Variants in ETV3 observed in about 807,000 individuals in gnomAD.
The protein encoded by ETV3 is ETS translocation variant 3.
ETV3 carries 8 observed loss-of-function variants against 33.0 expected under a neutral mutation model. The ratio of observed to expected loss-of-function variants is 0.24; its 90% CI spans 0.14 to 0.44. The LOEUF (loss-of-function observed/expected upper bound fraction) is 0.44. Among genes scored for constraint, ETV3 ranks in the 20% least tolerant of loss-of-function variants. The probability of loss-of-function intolerance (pLI) is 1.00; values close to 1 mark genes in which losing one functional copy is unlikely to be tolerated. For synonymous variants in ETV3, 222 were observed against 238.9 expected (o/e 0.93, Z 0.65); for missense variants, 473 against 652.3 (o/e 0.73, Z 2.99).
At chr1:157,126,454 C>CAT (rs749333178) in intron 4 of ETV3, among the ~76,000 whole-genome samples, 2 of 151,788 alleles carry the variant, frequency 1.3e-5, no homozygotes, top group African/African-American at 2.4e-5. Context: ...TAATTTTGGC[C>CAT]ATATATATAT....
At position 157,121,860 on chromosome 1, in the gene ETV3, T is replaced by C. The variant is rs1383619440; in HGVS notation, c.*2981A>G. ...GTTAGTGAGTTGGGTTTAATGCAGC[T>C]TCAAAATTAGGGTAAAGGGACTTGG... On this transcript the variant is annotated 3_prime_UTR_variant, in exon 5 of 5. Coordinates refer to ENST00000368192, the MANE Select transcript of ETV3 (RefSeq NM_001145312.3). The C allele has an allele frequency of 6.6e-6, 1 of 152,186 alleles. No individual in the cohort carries two copies. Among genetic ancestry groups the C allele is most frequent in the Non-Finnish European group, 1.5e-5 (1 of 68,042 alleles). The allele number at this position is 152,186 out of a possible 1,614,324, so 9.4% of individuals were successfully genotyped here.
Position 157,125,671 on chromosome 1 carries a change from G to T in ETV3, c.709C>A (p.Pro237Thr). 6.4e-7 allele frequency: 1 copy of T among 1,551,648 alleles called. No individual in the cohort carries two copies. Among genetic ancestry groups the T allele is most frequent in the Non-Finnish European group, 8.7e-7 (1 of 1,146,968 alleles). Reference sequence around the variant, plus strand: ...CTGTGGGGGTCAGGGTACATCCCTGGCCTAGCAAACAGAGGAAGCATTATG... The same window carrying T: ...CTGTGGGGGTCAGGGTACATCCCTGTCCTAGCAAACAGAGGAAGCATTATG... ...PDIMLPLFAR[P>T]GMYPDPHSPF... Residue 237 changes from proline to threonine, a missense_variant, in exon 5 of 5, where the codon CCA (proline) becomes ACA (threonine). By Grantham distance (38) the Pro-to-Thr change is conservative. Coordinates refer to ENST00000368192, the MANE Select transcript of ETV3 (RefSeq NM_001145312.3). The surrounding 1 kb of genome is among the most constrained non-coding windows in gnomAD (Gnocchi z 4.0).
chr1:157,136,237 T>C, intron 2 of ETV3, 70 bp downstream of exon 2: 1 of 1,428,980 alleles, frequency 7.0e-7, no homozygotes, highest in East Asian at 2.3e-5. Context: ...TGAACAGAGC[T>C]CAAGTGGAGA....
chr1:157,134,038 T>C (rs1571701501), intron 4 of ETV3, 74 bp downstream of exon 4: 3 of 1,575,426 alleles, frequency 1.9e-6, no homozygotes, highest in Non-Finnish European at 1.7e-6. Flanking sequence ...AAACATGCCA[T>C]GTCTTAGATT....
chr1:157,125,353 A>G lies in ETV3; in HGVS notation c.1027T>C (p.Ser343Pro), dbSNP rs1558029036. 1 of 1,551,960 alleles carries G rather than the reference A, an allele frequency of 6.4e-7. No individual in the cohort carries two copies. Among genetic ancestry groups the G allele is most frequent in the East Asian group, 2.4e-5 (1 of 40,918 alleles). ...QMHPEESTQFSIKLQPPPVGR... is the reference protein window; with the variant it reads ...QMHPEESTQFPIKLQPPPVGR... ...ACTGGTGGGGGCTGCAGCTTGATGG[A>G]GAACTGAGTTGACTCCTCAGGATGC... Residue 343 changes from serine to proline, a missense_variant, in exon 5 of 5, where the codon TCC becomes CCC. Transcript: ENST00000368192. The surrounding 1 kb of genome is among the most constrained non-coding windows in gnomAD (Gnocchi z 4.0).
Position 157,135,652 on chromosome 1 carries a change from T to C in ETV3, c.103A>G (p.Ile35Val). 1 of 1,614,208 alleles carries C rather than the reference T, an allele frequency of 6.2e-7. No homozygotes were observed. ...TCCAGGATGAAGTGCCACAGCTGGA[T>C]CTGCCGGGAGCCTGGGGATGACTCT... Reference protein sequence around the residue: ...KTESSPGSRQIQLWHFILELL... With the variant: ...KTESSPGSRQVQLWHFILELL... The change falls in exon 3 of 5, where the codon ATC becomes GTC. Residue 35 changes from isoleucine to valine, a missense_variant. Coordinates refer to ENST00000368192, the MANE Select transcript of ETV3 (RefSeq NM_001145312.3).
At chr1:157,137,355 A>G (rs1410442713) in intron 1 of ETV3, among the ~76,000 whole-genome samples, 3 of 152,052 alleles carry the variant, frequency 2.0e-5, no homozygotes, top group Non-Finnish European at 4.4e-5. Flanking sequence ...CAAATTCCTT[A>G]TCTTGGAAAT....
intron 4 of ETV3, among the ~76,000 whole-genome samples, chr1:157,127,877 T>A (rs1409968909): frequency 6.6e-6 from 1 of 152,130 alleles, no homozygotes; most frequent in Non-Finnish European, 1.5e-5. Context: ...AGTTCTCAAC[T>A]TCCCCAGTGA....
intron 4 of ETV3, chr1:157,128,429 A>T (rs1674892121): frequency 6.2e-6 from 2 of 325,024 alleles, no homozygotes; most frequent in South Asian, 6.3e-5. Context: ...ACTGTGGAAA[A>T]GGGAGGCAAG....
intron 4 of ETV3, among the ~76,000 whole-genome samples, chr1:157,131,194 G>A (rs1002495893): frequency 6.6e-6 from 1 of 152,136 alleles, no homozygotes. Context: ...TAGACTGAGC[G>A]GTATCAAGTC....
intron 2 of ETV3, 24 bp downstream of exon 2, chr1:157,136,283 C>T: frequency 6.2e-7 from 1 of 1,611,044 alleles, no homozygotes; most frequent in South Asian, 1.1e-5. Context: ...CCAGGTACAT[C>T]AGAGATGATT....
intron 1 of ETV3, 31 bp downstream of exon 1, chr1:157,138,285 C>G (rs1221902409): frequency 6.6e-6 from 1 of 152,190 alleles, no homozygotes; most frequent in Non-Finnish European, 1.5e-5. Context: ...AACCCAGACA[C>G]CCCGGCGGCC....
rs1473297118 is a variant in ETV3 at position 157,134,224 on chromosome 1, G to A, written c.288C>T (p.Tyr96=). ...TATGAAGGATCCTCTTGTTGTAATA[G>A]TATCTGTAAAAACAGGAATACATGT... ...NYDKLSRALR[Y]YYNKRILHKT... is the part of the protein sequence containing the mutation. The change falls in exon 4 of 5, where the codon TAC becomes TAT. Residue 96 remains tyrosine (Y), a synonymous_variant. Coordinates refer to ENST00000368192, the MANE Select transcript of ETV3 (RefSeq NM_001145312.3). 1.2e-6 allele frequency: 2 copies of A among 1,611,598 alleles called. No homozygotes were observed. Among genetic ancestry groups the A allele is most frequent in the Admixed American group, 1.7e-5 (1 of 59,544 alleles).
intron 4 of ETV3, among the ~76,000 whole-genome samples, chr1:157,130,715 C>T (rs766148333): frequency 5.3e-5 from 8 of 152,070 alleles, no homozygotes; most frequent in Admixed American, 1.3e-4. Flanking sequence ...ATTGTTATGA[C>T]GATTAACAGT....
At chr1:157,135,181 T>C (rs1675069220) in intron 3 of ETV3, 1 of 513,448 alleles carries the variant, frequency 1.9e-6, no homozygotes, top group Non-Finnish European at 3.4e-6. Context: ...CTCCAATCCA[T>C]GTTTCACCAT....
chr1:157,123,852 G>T lies in ETV3; in HGVS notation c.*989C>A, dbSNP rs1456143249. 6.7e-6 allele frequency: 1 copy of T among 148,218 alleles called. No individual in the cohort carries two copies. Among genetic ancestry groups the T allele is most frequent in the African/African-American group, 2.4e-5 (1 of 40,858 alleles). 9.2% of individuals were successfully genotyped at this position (148,218 alleles called of 1,614,324 possible). Reference sequence around the variant, plus strand: ...GAAAATAAGAGAACCAGACATAATGGAAAGACCTCTTCAATAATGTTGTCA... The same window carrying T: ...GAAAATAAGAGAACCAGACATAATGTAAAGACCTCTTCAATAATGTTGTCA... On this transcript the variant is annotated 3_prime_UTR_variant, in exon 5 of 5. Coordinates refer to ENST00000368192, the MANE Select transcript of ETV3 (RefSeq NM_001145312.3).
rs137919956 is a variant in ETV3, at chr1:157,131,623, T to C, written c.400+2489A>G. Among the ~76,000 whole-genome samples the C allele has an allele frequency of 6.2e-4, 94 of 152,346 alleles. No homozygotes were observed. In the East Asian group the frequency reaches 0.016, roughly 27 times the overall value. ...AATTGTTTCCCTAGAAACTGTTCAA[T>C]AGATAACTATTCAACCTACCCTGAT... On this transcript the variant is annotated intron_variant, in intron 4 of 4. Coordinates refer to ENST00000368192, the MANE Select transcript of ETV3 (RefSeq NM_001145312.3).
intron 3 of ETV3, among the ~76,000 whole-genome samples, chr1:157,134,602 G>C (rs1409105995): frequency 6.6e-6 from 1 of 152,148 alleles, no homozygotes; most frequent in Non-Finnish European, 1.5e-5. Context: ...GCCCAGGTGG[G>C]GGCAGACAAA....
chr1:157,137,272 G>A (rs1675136180), intron 1 of ETV3, among the ~76,000 whole-genome samples: 1 of 152,082 alleles, frequency 6.6e-6, no homozygotes, highest in African/African-American at 2.4e-5. Context: ...GTTCCCCAGG[G>A]TGGATGACAG....
Sources: allele counts gnomAD v4.1 joint callset (sites outside exome capture counted in the v4.1 genomes callset), GRCh38; gene constraint gnomAD v4.1.1; non-coding constraint Gnocchi (gnomAD v3.1); transcripts MANE v1.5; gene names NCBI Gene and HGNC (gene_info 2026-07-23, HGNC 2026-07-21).